Variants in HS6ST3 observed in about 807,000 individuals in gnomAD.
HS6ST3 encodes the protein heparan sulfate 6-O-sulfotransferase 3, also known as heparan-sulfate 6-O-sulfotransferase 3.
Under a neutral mutation model 36.7 loss-of-function variants are expected in HS6ST3, and 12 were observed. The observed-to-expected ratio is 0.33, with a 90% CI of 0.21 to 0.53. The LOEUF (loss-of-function observed/expected upper bound fraction) is 0.53. Ranked by LOEUF, HS6ST3 falls within the 20% of genes least tolerant of loss-of-function variation. The pLI, the probability that HS6ST3 is intolerant of heterozygous loss-of-function variation, is 0.95. For synonymous variants in HS6ST3, 240 were observed against 257.5 expected (o/e 0.93, Z 0.65); for missense variants, 584 against 640.9 (o/e 0.91, Z 0.96).
chr13:96,120,945 A>G (rs942935552), intron 1 of HS6ST3, among the ~76,000 whole-genome samples: 1 of 152,200 alleles, frequency 6.6e-6, no homozygotes, highest in Non-Finnish European at 1.5e-5. Context: ...AAAGTTTGGG[A>G]TGAATATAGC....
intron 1 of HS6ST3, among the ~76,000 whole-genome samples, chr13:96,108,952 C>CCTGTCT: frequency 6.8e-6 from 1 of 147,930 alleles, no homozygotes; most frequent in East Asian, 2.0e-4. Context: ...GACAACCACT[C>CCTGTCT]CTATCTCTAT....
intron 1 of HS6ST3, among the ~76,000 whole-genome samples, chr13:96,348,263 A>G (rs760802736): frequency 5.3e-5 from 8 of 152,252 alleles, no homozygotes; most frequent in Non-Finnish European, 1.2e-4. Context: ...AGTGAAGGCC[A>G]TCTTGGAAGG....
At chr13:96,394,828 G>T (rs912692) in intron 1 of HS6ST3, among the ~76,000 whole-genome samples, 125,804 of 152,172 alleles carry the variant, frequency 0.83, 52,356 homozygotes, top group Non-Finnish European at 0.87. Context: ...ATTTTTTAAA[G>T]AAAGAAATGT....
chr13:96,134,730 G>T (rs750937179), intron 1 of HS6ST3, among the ~76,000 whole-genome samples: 1 of 152,108 alleles, frequency 6.6e-6, no homozygotes, highest in African/African-American at 2.4e-5. Flanking sequence ...TGTCCTGACC[G>T]TCTCTCACAG....
At chr13:96,216,292 A>T (rs1207070617) in intron 1 of HS6ST3, among the ~76,000 whole-genome samples, 1 of 152,196 alleles carries the variant, frequency 6.6e-6, no homozygotes, top group Non-Finnish European at 1.5e-5. Flanking sequence ...ACATAACCAA[A>T]GTCCTTTCCC....
intron 1 of HS6ST3, among the ~76,000 whole-genome samples, chr13:96,221,921 T>A (rs1460662835): frequency 6.6e-6 from 1 of 152,132 alleles, no homozygotes; most frequent in Non-Finnish European, 1.5e-5. Context: ...TGGAAAAAAA[T>A]CAATCAACCT....
At chr13:96,148,710 C>A (rs2139321724) in intron 1 of HS6ST3, among the ~76,000 whole-genome samples, 1 of 152,146 alleles carries the variant, frequency 6.6e-6, no homozygotes, top group African/African-American at 2.4e-5. Flanking sequence ...CTTAAAGCAA[C>A]AATAGTTATA....
At chr13:96,806,019 C>T (rs1332959192) in intron 1 of HS6ST3, among the ~76,000 whole-genome samples, 1 of 152,154 alleles carries the variant, frequency 6.6e-6, no homozygotes, top group Non-Finnish European at 1.5e-5. Flanking sequence ...AGGAATCTTC[C>T]TCAAATTCTA....
intron 1 of HS6ST3, among the ~76,000 whole-genome samples, chr13:96,134,211 T>A (rs1247116081): frequency 1.3e-5 from 2 of 152,152 alleles, no homozygotes; most frequent in Admixed American, 1.3e-4. Context: ...TATTTCTTTA[T>A]CTTATGAATT....
chr13:96,241,577 T>A (rs989560829), intron 1 of HS6ST3, among the ~76,000 whole-genome samples: 2 of 151,698 alleles, frequency 1.3e-5, no homozygotes, highest in Non-Finnish European at 2.9e-5. Flanking sequence ...AAAAATGTTA[T>A]CACTTAGAAC....
intron 1 of HS6ST3, among the ~76,000 whole-genome samples, chr13:96,578,801 G>A (rs945470699): frequency 6.6e-6 from 1 of 152,020 alleles, no homozygotes. Flanking sequence ...CTCAAGTCAT[G>A]AGCCACCGGG....
At position 96,384,472 on chromosome 13, in the gene HS6ST3, T is replaced by C. The variant is rs147108496; in HGVS notation, c.707+292903T>C. On this transcript the variant is annotated intron_variant, in intron 1 of 1. Coordinates refer to ENST00000376705, the MANE Select transcript of HS6ST3 (RefSeq NM_153456.4). Reference sequence around the variant, plus strand: ...TTCCAGGTAGTTGGAAGTATTGCTTTGTTTGCCAATGAGAGTTTTTTTCTA... The same window carrying C: ...TTCCAGGTAGTTGGAAGTATTGCTTCGTTTGCCAATGAGAGTTTTTTTCTA... 2.2e-3 allele frequency among the ~76,000 whole-genome samples: 338 copies of C among 152,272 alleles called. 1 individual carries two copies. Among genetic ancestry groups the C allele is most frequent in the Admixed American group, 4.3e-3 (66 of 15,294 alleles).
chr13:96,416,929 T>C (rs1405709149), intron 1 of HS6ST3, among the ~76,000 whole-genome samples: 1 of 152,048 alleles, frequency 6.6e-6, no homozygotes, highest in East Asian at 1.9e-4. Flanking sequence ...ATTTTTTGTA[T>C]TTTGTTGAGA....
intron 1 of HS6ST3, among the ~76,000 whole-genome samples, chr13:96,575,266 C>A (rs1295901512): frequency 6.6e-6 from 1 of 152,170 alleles, no homozygotes. Context: ...AATGAAGATA[C>A]CCATGGGAAG....
At chr13:96,515,713 C>A (rs2056069655) in intron 1 of HS6ST3, among the ~76,000 whole-genome samples, 1 of 152,142 alleles carries the variant, frequency 6.6e-6, no homozygotes, top group Non-Finnish European at 1.5e-5. Flanking sequence ...CTCTCACCTG[C>A]TGCCATATAA....
chr13:96,810,204 C>T (rs1878288353), intron 1 of HS6ST3, among the ~76,000 whole-genome samples: 1 of 152,292 alleles, frequency 6.6e-6, no homozygotes, highest in Non-Finnish European at 1.5e-5. Context: ...ACCATGATGA[C>T]TTGTTTTGAA....
chr13:96,606,534 G>A (rs1355676186), intron 1 of HS6ST3, among the ~76,000 whole-genome samples: 10 of 148,350 alleles, frequency 6.7e-5, no homozygotes, highest in East Asian at 2.0e-4. Context: ...AATACACATG[G>A]ACATAGAGTT....
intron 1 of HS6ST3, among the ~76,000 whole-genome samples, chr13:96,780,666 T>A (rs777798072): frequency 1.3e-5 from 2 of 152,116 alleles, no homozygotes; most frequent in African/African-American, 2.4e-5. Context: ...TAGTACAGGA[T>A]AAGAAGTCAG....
At chr13:96,649,171 A>G (rs1393305292) in intron 1 of HS6ST3, among the ~76,000 whole-genome samples, 1 of 151,996 alleles carries the variant, frequency 6.6e-6, no homozygotes, top group East Asian at 1.9e-4. Context: ...CATAACTGAG[A>G]CTGGGTAATT....
Sources: allele counts gnomAD v4.1 joint callset (sites outside exome capture counted in the v4.1 genomes callset), GRCh38; gene constraint gnomAD v4.1.1; transcripts MANE v1.5; gene names NCBI Gene and HGNC (gene_info 2026-07-23, HGNC 2026-07-21).